The following ONECUT3 variants were observed in gnomAD, a reference collection of about 807,000 sequenced individuals.
ONECUT3 encodes the protein one cut domain family member 3.
ONECUT3 carries 11 observed loss-of-function variants against 16.8 expected under a neutral mutation model. That is an observed-to-expected ratio of 0.66 (90% CI 0.41 to 1.09). ONECUT3 has a LOEUF of 1.09. ONECUT3 is among the 50% of genes least tolerant of loss of function. The pLI is 0.00. For missense variants in ONECUT3, 637 were observed against 629.9 expected (o/e 1.01, Z -0.12); for synonymous variants, 344 against 310.7 (o/e 1.11, Z -1.13).
chr19:1,775,583 G>A lies in ONECUT3; in HGVS notation c.*138G>A. ...GGTGCTATCCGGGCCCCCCACACCC[G>A]GGGAGGGGGAAGCAGCACACCCCCC... On this transcript the variant is annotated 3_prime_UTR_variant, in exon 2 of 2. Transcript: ENST00000382349. 2.6e-6 allele frequency: 2 copies of A among 773,810 alleles called. No homozygotes were observed. Among genetic ancestry groups the A allele is most frequent in the Non-Finnish European group, 3.8e-6 (2 of 523,782 alleles). The allele number at this position is 773,810 out of a possible 1,614,324, so 47.9% of individuals were successfully genotyped here. A position where few individuals can be genotyped will look rare whatever the true frequency, so the allele number is the denominator to read the frequency against.
At position 1,778,865 on chromosome 19, in the gene ONECUT3, A is replaced by AACACACACACACAC. The variant is rs1186684164; in HGVS notation, c.*3420_*3421insACACACACACACAC. ...CTGGATCCTTTTCAGATATCTTCGT[A>AACACACACACACAC]TCACACACACACACACACACACACA... On this transcript the variant is annotated 3_prime_UTR_variant, in exon 2 of 2. Transcript: ENST00000382349. 7.6e-5 allele frequency: 7 copies of AACACACACACACAC among 92,112 alleles called. No homozygotes were observed. The highest frequency in any genetic ancestry group is 1.1e-4 in the Non-Finnish European group (5 of 46,864). 5.7% of individuals were successfully genotyped at this position (92,112 alleles called of 1,614,324 possible).
intron 1 of ONECUT3, among the ~76,000 whole-genome samples, chr19:1,756,949 A>T (rs1365488990): frequency 8.5e-5 from 13 of 152,082 alleles, no homozygotes; most frequent in Admixed American, 7.9e-4. Context: ...CCTCTCTAGC[A>T]CATATTTGGG....
At chr19:1,768,040 T>C (rs2068009318) in intron 1 of ONECUT3, among the ~76,000 whole-genome samples, 1 of 151,844 alleles carries the variant, frequency 6.6e-6, no homozygotes, top group African/African-American at 2.4e-5. Context: ...GGGTGATTGC[T>C]CCTGGAATCA....
chr19:1,754,138 G>A lies in ONECUT3; in HGVS notation c.476G>A (p.Arg159His). 9.7e-7 allele frequency: 1 copy of A among 1,025,750 alleles called. No individual in the cohort carries two copies. Among genetic ancestry groups the A allele is most frequent in the Non-Finnish European group, 1.2e-6 (1 of 858,670 alleles). 63.5% of individuals were successfully genotyped at this position (1,025,750 alleles called of 1,614,324 possible). Residue 159 changes from arginine to histidine, a missense_variant, in exon 1 of 2, where the codon CGT (arginine) becomes CAT (histidine). Physicochemically the swap from Arg to His is conservative, Grantham distance 29. This residue lies in a region of ONECUT3 where 419 missense variants were observed against 377.9 expected (regional missense o/e 1.11). Transcript: ENST00000382349. The surrounding 1 kb of genome is among the most constrained non-coding windows in gnomAD (Gnocchi z 7.4). Reference protein sequence around the residue: ...AAPPPPPPPQRLAASVSGSFT... With the variant: ...AAPPPPPPPQHLAASVSGSFT... ...CCGCCCCCGCCACCCCCGCCGCAGC[G>A]TCTGGCGGCCAGCGTGAGCGGCAGC...
At position 1,777,581 on chromosome 19, in the gene ONECUT3, C is replaced by G. The variant is rs1165018513; in HGVS notation, c.*2136C>G. 3.3e-5 allele frequency: 5 copies of G among 152,384 alleles called. No homozygotes were observed. The highest frequency in any genetic ancestry group is 2.0e-4 in the Admixed American group (3 of 15,304). The allele number at this position is 152,384 out of a possible 1,614,324, so 9.4% of individuals were successfully genotyped here. ...AAAACCTGGGCCTTAATTTCTCTCC[C>G]GTCCCCACCCCTAAATTCCTGATGG... On this transcript the variant is annotated 3_prime_UTR_variant, in exon 2 of 2. Coordinates refer to ENST00000382349, the MANE Select transcript of ONECUT3 (RefSeq NM_001080488.2).
In ONECUT3 at chr19:1,759,702, C is replaced by T. The variant is rs1264995782; in HGVS notation, c.1192+4848C>T. ...TCCCTGGGCTCTGTCCCTGGCTGAT[C>T]CCTGGCAAAAGGACTTGAGCCTCAG... On this transcript the variant is annotated intron_variant, in intron 1 of 1. Transcript: ENST00000382349. This position sits in a 1 kb window ranked among gnomAD's most constrained non-coding sequence, Gnocchi z 4.1. 6.6e-6 allele frequency among the ~76,000 whole-genome samples: 1 copy of T among 152,162 alleles called. No individual in the cohort carries two copies. The highest frequency in any genetic ancestry group is 1.9e-4 in the East Asian group (1 of 5,190).
chr19:1,774,752 T>TA (rs1346772373), intron 1 of ONECUT3, among the ~76,000 whole-genome samples: 1 of 151,508 alleles, frequency 6.6e-6, no homozygotes, highest in Non-Finnish European at 1.5e-5. Flanking sequence ...GAGGGGGTGG[T>TA]AGCCATGCCT....
intron 1 of ONECUT3, among the ~76,000 whole-genome samples, chr19:1,771,925 C>T (rs60146047): frequency 0.017 from 2,599 of 152,238 alleles, 73 homozygotes; most frequent in African/African-American, 0.058. Flanking sequence ...GTGATCCTCC[C>T]ACCTCAGCCT....
In ONECUT3 at chr19:1,758,317, G is replaced by A. The variant is rs201546751; in HGVS notation, c.1192+3463G>A. On this transcript the variant is annotated intron_variant, in intron 1 of 1. Transcript: ENST00000382349. The surrounding 1 kb of genome is among the most constrained non-coding windows in gnomAD (Gnocchi z 5.9). ...AGAGAGACCAAAAAAAAAAAAAAAA[G>A]AGAGAGAGAGAGAGAGAGACAGAGA... Among the ~76,000 whole-genome samples, 434 of 54,918 alleles carry A rather than the reference G, an allele frequency of 7.9e-3. 1 individual carries two copies. The highest frequency in any genetic ancestry group is 0.019 in the African/African-American group (353 of 18,608). 36.0% of individuals were successfully genotyped at this position (54,918 alleles called of 152,430 possible).
chr19:1,770,496 C>T (rs567329840), intron 1 of ONECUT3, among the ~76,000 whole-genome samples: 2 of 152,188 alleles, frequency 1.3e-5, no homozygotes, highest in Non-Finnish European at 2.9e-5. Context: ...AAGCTCTTGA[C>T]ACAAAGCTCT....
chr19:1,753,629 C>A lies in ONECUT3; in HGVS notation c.-34C>A. On this transcript the variant is annotated 5_prime_UTR_variant, in exon 1 of 2. It adds an upstream start codon to the 5' untranslated region. Transcript: ENST00000382349. ...CGGCCTTGAGCACTAGGGGCCGGCGCTGAGGAGCGCGCGCGGCGGGAGGGC... is the reference window on the plus strand; with the variant it reads ...CGGCCTTGAGCACTAGGGGCCGGCGATGAGGAGCGCGCGCGGCGGGAGGGC... The A allele has an allele frequency of 1.1e-6, 1 of 921,398 alleles. No individual in the cohort carries two copies. The highest frequency in any genetic ancestry group is 1.3e-6 in the Non-Finnish European group (1 of 755,692). The allele number at this position is 921,398 out of a possible 1,614,324, so 57.1% of individuals were successfully genotyped here. A position where few individuals can be genotyped will look rare whatever the true frequency, so the allele number is the denominator to read the frequency against.
Position 1,766,999 on chromosome 19 carries a change from G to C in ONECUT3, c.1193-8154G>C, listed in dbSNP as rs2067998039. Among the ~76,000 whole-genome samples, 1 of 151,478 alleles carries C rather than the reference G, an allele frequency of 6.6e-6. No homozygotes were observed. The highest frequency in any genetic ancestry group is 1.5e-5 in the Non-Finnish European group (1 of 67,780). ...GGAGGGGCCCCGGGCTCCGCTGCGG[G>C]GGGAGGGAGGGACTTCCTGGGGAGA... is the stretch of plus-strand genomic sequence containing the variant. On this transcript the variant is annotated intron_variant, in intron 1 of 1. Transcript: ENST00000382349. This position sits in a 1 kb window ranked among gnomAD's most constrained non-coding sequence, Gnocchi z 4.0.
In ONECUT3 at chr19:1,764,547, G is replaced by A. The variant is rs1249966189; in HGVS notation, c.1192+9693G>A. 6.6e-6 allele frequency among the ~76,000 whole-genome samples: 1 copy of A among 152,118 alleles called. No individual in the cohort carries two copies. Among genetic ancestry groups the A allele is most frequent in the East Asian group, 1.9e-4 (1 of 5,186 alleles). ...GGGAGGGTAAGCCACCCAGAGTGGAGGGGTAGTGGGAACAGAGTGGGGCCA... is the reference window on the plus strand; with the variant it reads ...GGGAGGGTAAGCCACCCAGAGTGGAAGGGTAGTGGGAACAGAGTGGGGCCA... On this transcript the variant is annotated intron_variant, in intron 1 of 1. Transcript: ENST00000382349. The surrounding 1 kb of genome is among the most constrained non-coding windows in gnomAD (Gnocchi z 5.0).
intron 1 of ONECUT3, among the ~76,000 whole-genome samples, chr19:1,757,960 C>A (rs986444920): frequency 6.6e-5 from 10 of 152,224 alleles, no homozygotes; most frequent in African/African-American, 2.4e-4. Flanking sequence ...CCGCGAGCAC[C>A]GCGGGCCTCC....
rs2067970641 is a variant in ONECUT3, at chr19:1,764,815, G to A, written c.1192+9961G>A. Among the ~76,000 whole-genome samples the A allele has an allele frequency of 6.8e-6, 1 of 147,806 alleles. No individual in the cohort carries two copies. The highest frequency in any genetic ancestry group is 2.2e-4 in the South Asian group (1 of 4,498). The stretch of plus-strand genomic sequence containing the variant: ...AGAGGCCACGGGGGGGGGATGCGCA[G>A]GGGGGACAAGACACCAGCATGGGGG... On this transcript the variant is annotated intron_variant, in intron 1 of 1. Transcript: ENST00000382349. This position sits in a 1 kb window ranked among gnomAD's most constrained non-coding sequence, Gnocchi z 5.0.
At position 1,775,735 on chromosome 19, in the gene ONECUT3, A is replaced by C; in HGVS notation, c.*290A>C. On this transcript the variant is annotated 3_prime_UTR_variant, in exon 2 of 2. Coordinates refer to ENST00000382349, the MANE Select transcript of ONECUT3 (RefSeq NM_001080488.2). Reference sequence around the variant, plus strand: ...AAAGGGGTTTCCCAGCCCCCTCTCCATTCAGGACGCCCAGAGGGCCTCGAG... The same window carrying C: ...AAAGGGGTTTCCCAGCCCCCTCTCCCTTCAGGACGCCCAGAGGGCCTCGAG... 1.0e-5 allele frequency: 3 copies of C among 298,208 alleles called. No homozygotes were observed. Among genetic ancestry groups the C allele is most frequent in the East Asian group, 7.1e-5 (1 of 14,166 alleles). 18.5% of individuals were successfully genotyped at this position (298,208 alleles called of 1,614,324 possible). A position where few individuals can be genotyped will look rare whatever the true frequency, so the allele number is the denominator to read the frequency against.
chr19:1,765,252 G>A (rs1013559500), intron 1 of ONECUT3, among the ~76,000 whole-genome samples: 1 of 152,158 alleles, frequency 6.6e-6, no homozygotes, highest in African/African-American at 2.4e-5. Context: ...CCGTCCTGGT[G>A]CCACCCTGGC....
chr19:1,765,632 G>A (rs1397927806), intron 1 of ONECUT3, among the ~76,000 whole-genome samples: 3 of 152,184 alleles, frequency 2.0e-5, no homozygotes, highest in Non-Finnish European at 4.4e-5. Context: ...TGGATGAGTC[G>A]GTTGCAGGTC....
intron 1 of ONECUT3, among the ~76,000 whole-genome samples, chr19:1,768,501 G>A (rs2068014912): frequency 1.3e-5 from 2 of 152,124 alleles, no homozygotes; most frequent in African/African-American, 4.8e-5. Flanking sequence ...AGGGACTGAG[G>A]CCTCCAAGGG....
Sources: gnomAD v4.1 joint callset for allele counts (sites outside exome capture counted in the v4.1 genomes callset) on GRCh38, gnomAD v4.1.1 for gene constraint, gnomAD v4.1.1 regional missense constraint, Gnocchi (gnomAD v3.1) non-coding constraint, MANE v1.5 for transcripts, NCBI Gene and HGNC (gene_info 2026-07-23, HGNC 2026-07-21) for gene names.